Variants in CEACAM1 observed in about 807,000 individuals in gnomAD.
CEACAM1 encodes the protein CEA cell adhesion molecule 1.
Under a neutral mutation model 49.1 loss-of-function variants are expected in CEACAM1, and 31 were observed. The ratio of observed to expected loss-of-function variants is 0.63; its 90% CI spans 0.47 to 0.85. The LOEUF is 0.85. CEACAM1 is among the 40% of genes least tolerant of loss of function. The probability of loss-of-function intolerance (pLI) is 0.00; values close to 1 mark genes in which losing one functional copy is unlikely to be tolerated. For synonymous variants in CEACAM1, 244 were observed against 247.8 expected (o/e 0.98, Z 0.14); for missense variants, 570 against 645.3 (o/e 0.88, Z 1.26).
intron 7 of CEACAM1, 176 bp downstream of exon 7, chr19:42,511,400 G>A: frequency 1.6e-6 from 1 of 630,506 alleles, no homozygotes; most frequent in South Asian, 1.9e-5. Flanking sequence ...TGTCTCAGGG[G>A]ACTCCTGTGG....
intron 4 of CEACAM1, 189 bp from the exon 5 acceptor site, chr19:42,519,424 A>T: frequency 1.7e-6 from 1 of 600,378 alleles, no homozygotes; most frequent in Non-Finnish European, 3.0e-6. Context: ...CAGGTGATGA[A>T]TTGTAAGGAG....
chr19:42,525,899 A>C (rs989498238), intron 2 of CEACAM1: 1 of 152,194 alleles, frequency 6.6e-6, no homozygotes, highest in Non-Finnish European at 1.5e-5. Flanking sequence ...ACCTTAAAAT[A>C]TTTATAATTA....
Position 42,527,320 on chromosome 19 carries a change from T to C in CEACAM1, c.145A>G (p.Lys49Glu), listed in dbSNP as rs1046613330. 1.1e-5 allele frequency: 17 copies of C among 1,613,864 alleles called. No homozygotes were observed. The African/African-American group carries it at 1.5e-4, about 14-fold the overall frequency. ...ESMPFNVAEG[K>E]EVLLLVHNLP... ...TTGTGGACAAGGAGAAGAACCTCCT[T>C]CCCCTCTGCAACATTGAATGGCATG... The change falls in exon 2 of 9, where the codon AAG becomes GAG. Residue 49 changes from lysine to glutamate, a missense_variant. Transcript: ENST00000161559.
intron 5 of CEACAM1, among the ~76,000 whole-genome samples, chr19:42,516,460 G>T (rs879641512): frequency 1.3e-5 from 2 of 152,016 alleles, no homozygotes; most frequent in Non-Finnish European, 2.9e-5. Context: ...TGAAAGATTT[G>T]TACCCTGAAA....
Position 42,508,050 on chromosome 19 carries a change from C to T in CEACAM1, c.*1059G>A, listed in dbSNP as rs1406508017. 1 of 152,130 alleles carries T rather than the reference C, an allele frequency of 6.6e-6. No individual in the cohort carries two copies. The highest frequency in any genetic ancestry group is 1.5e-5 in the Non-Finnish European group (1 of 68,008). The allele number at this position is 152,130 out of a possible 1,614,324, so 9.4% of individuals were successfully genotyped here. ...CTCTGACAAAAAAAATCTTGAGAGG[C>T]TCCTGACCAAGGGACCTGAGGGATT... On this transcript the variant is annotated 3_prime_UTR_variant, in exon 9 of 9. Coordinates refer to ENST00000161559, the MANE Select transcript of CEACAM1 (RefSeq NM_001712.5).
At position 42,508,910 on chromosome 19, in the gene CEACAM1, A is replaced by G. The variant is rs2041387883; in HGVS notation, c.*199T>C. On this transcript the variant is annotated 3_prime_UTR_variant, in exon 9 of 9. Coordinates refer to ENST00000161559, the MANE Select transcript of CEACAM1 (RefSeq NM_001712.5). Reference sequence around the variant, plus strand: ...GACAAGAAGGTTGGGTTTCCTACAGACTCCCAATGTACTTTCATCTATTGA... The same window carrying G: ...GACAAGAAGGTTGGGTTTCCTACAGGCTCCCAATGTACTTTCATCTATTGA... 4 of 538,000 alleles carry G rather than the reference A, an allele frequency of 7.4e-6. No homozygotes were observed. Among genetic ancestry groups the G allele is most frequent in the Admixed American group, 3.7e-5 (1 of 26,834 alleles). 33.3% of individuals were successfully genotyped at this position (538,000 alleles called of 1,614,324 possible).
chr19:42,510,851 C>T, intron 8 of CEACAM1, 38 bp downstream of exon 8: 3 of 1,576,486 alleles, frequency 1.9e-6, no homozygotes, highest in Non-Finnish European at 2.6e-6. Flanking sequence ...GAATCATTTC[C>T]ATGAGAAAAT....
At chr19:42,511,136 C>T in intron 7 of CEACAM1, 1 of 600,666 alleles carries the variant, frequency 1.7e-6, no homozygotes, top group Non-Finnish European at 3.0e-6. Flanking sequence ...GTGAAGAGTT[C>T]TACCAGTTCA....
In CEACAM1 at chr19:42,509,118, T is replaced by A; in HGVS notation, c.1572A>T (p.Lys524Asn). ...AGCAGGACAGGTTTCATTACTGCTT[T>A]TTTACTTCTGAATAAATTATTTCTG... is the stretch of plus-strand genomic sequence containing the variant. Reference protein sequence around the residue: ...TATEIIYSEVKKQ With the variant: ...TATEIIYSEVNKQ Residue 524 changes from lysine to asparagine, a missense_variant, in exon 9 of 9, where the codon AAA becomes AAT. Physicochemically the swap from Lys to Asn is moderately conservative, Grantham distance 94. Coordinates refer to ENST00000161559, the MANE Select transcript of CEACAM1 (RefSeq NM_001712.5). The A allele has an allele frequency of 1.2e-6, 2 of 1,614,168 alleles. No homozygotes were observed. Among genetic ancestry groups the A allele is most frequent in the Non-Finnish European group, 1.7e-6 (2 of 1,180,018 alleles).
chr19:42,513,958 CTTT>C (rs869304469), intron 5 of CEACAM1, among the ~76,000 whole-genome samples: 1 of 86,870 alleles, frequency 1.2e-5, no homozygotes, highest in Non-Finnish European at 2.2e-5. Context: ...TCTTCTTCTT[CTTT>C]TTTTTTTTTT....
chr19:42,522,282 T>TG (rs1600235038), intron 2 of CEACAM1, 80 bp from the exon 3 acceptor site: 8 of 1,559,212 alleles, frequency 5.1e-6, no homozygotes, highest in South Asian at 1.2e-5. Flanking sequence ...CTTATTTATT[T>TG]ATTTTTTTTG....
chr19:42,526,582 G>A (rs41370146), intron 2 of CEACAM1, among the ~76,000 whole-genome samples: 1,642 of 152,284 alleles, frequency 0.011, 37 homozygotes, highest in African/African-American at 0.036. Context: ...CCCTGCCCAG[G>A]AGGCCACAAT....
chr19:42,508,376 G>T lies in CEACAM1; in HGVS notation c.*733C>A, dbSNP rs1005747096. ...CACTGCCTTGAACAGAGCCCATAAAGATATTAAAACATATATGTGCTTTTG... is the reference window on the plus strand; with the variant it reads ...CACTGCCTTGAACAGAGCCCATAAATATATTAAAACATATATGTGCTTTTG... On this transcript the variant is annotated 3_prime_UTR_variant, in exon 9 of 9. Coordinates refer to ENST00000161559, the MANE Select transcript of CEACAM1 (RefSeq NM_001712.5). 6.6e-6 allele frequency: 1 copy of T among 152,322 alleles called. No homozygotes were observed. The highest frequency in any genetic ancestry group is 2.4e-5 in the African/African-American group (1 of 41,440). 9.4% of individuals were successfully genotyped at this position (152,322 alleles called of 1,614,324 possible). A position where few individuals can be genotyped will look rare whatever the true frequency, so the allele number is the denominator to read the frequency against.
intron 8 of CEACAM1, among the ~76,000 whole-genome samples, chr19:42,510,015 A>T (rs1461607141): frequency 6.6e-6 from 1 of 152,232 alleles, no homozygotes; most frequent in Non-Finnish European, 1.5e-5. Flanking sequence ...GAAAGTTCAT[A>T]CATTGTGAAA....
intron 2 of CEACAM1, among the ~76,000 whole-genome samples, 191 bp from the exon 3 acceptor site, chr19:42,522,393 G>C (rs2041776208): frequency 6.6e-6 from 1 of 152,128 alleles, no homozygotes; most frequent in South Asian, 2.1e-4. Context: ...TCCTGCCTCA[G>C]CTTCCTGAGT....
At chr19:42,514,214 C>T (rs2041542816) in intron 5 of CEACAM1, among the ~76,000 whole-genome samples, 1 of 151,416 alleles carries the variant, frequency 6.6e-6, no homozygotes, top group African/African-American at 2.4e-5. Context: ...TCACTGCAAC[C>T]TCTGCCTCCC....
chr19:42,528,327 C>T lies in CEACAM1; in HGVS notation c.48G>A (p.Gln16=). ...APLHRVRVPW[Q]GLLLTASLLT... is the part of the protein sequence containing the mutation. ...TCCCCTCACCTGTGAGCAGAAGCCC[C>T]TGCCAGGGTACACGCACTCTGTGAA... Residue 16 remains glutamine, a synonymous_variant, in exon 1 of 9, where the codon CAG becomes CAA. Transcript: ENST00000161559. The T allele has an allele frequency of 6.2e-7, 1 of 1,613,784 alleles. No individual in the cohort carries two copies. Among genetic ancestry groups the T allele is most frequent in the Non-Finnish European group, 8.5e-7 (1 of 1,179,784 alleles).
intron 1 of CEACAM1, chr19:42,527,753 GCT>G (rs41433944): frequency 0.012 from 2,970 of 237,882 alleles, 76 homozygotes; most frequent in African/African-American, 0.057. Flanking sequence ...ACCTTTTTCT[GCT>G]CTGTTCCCTC....
At chr19:42,519,568 G>GA in intron 4 of CEACAM1, 3 of 198,176 alleles carry the variant, frequency 1.5e-5, no homozygotes, top group Non-Finnish European at 2.9e-5. Context: ...TTTTCCCACT[G>GA]ACTTTTTTTT....
Sources: allele counts gnomAD v4.1 joint callset (sites outside exome capture counted in the v4.1 genomes callset), GRCh38; gene constraint gnomAD v4.1.1; transcripts MANE v1.5; gene names NCBI Gene and HGNC (gene_info 2026-07-23, HGNC 2026-07-21).